The following ABHD12 variants were observed in gnomAD, a reference collection of about 807,000 sequenced individuals.
ABHD12 encodes the protein lysophosphatidylserine lipase ABHD12.
ABHD12 carries 43 observed loss-of-function variants against 58.3 expected under a neutral mutation model. The ratio of observed to expected loss-of-function variants is 0.74; its 90% CI spans 0.58 to 0.95. The LOEUF is 0.95. Among genes scored for constraint, ABHD12 ranks in the 40% least tolerant of loss-of-function variants. The probability of loss-of-function intolerance (pLI) is 0.00; values close to 1 mark genes in which losing one functional copy is unlikely to be tolerated. For synonymous variants in ABHD12, 219 were observed against 211.2 expected (o/e 1.04, Z -0.32); for missense variants, 539 against 537.2 (o/e 1.00, Z -0.03).
At chr20:25,312,580 C>T (rs2088871757) in intron 6 of ABHD12, among the ~76,000 whole-genome samples, 1 of 152,212 alleles carries the variant, frequency 6.6e-6, no homozygotes, top group Admixed American at 6.5e-5. Context: ...GCCGAGATTG[C>T]AGCCTCTGCC....
At chr20:25,329,500 C>T (rs1410465028) in intron 2 of ABHD12, among the ~76,000 whole-genome samples, 2 of 152,220 alleles carry the variant, frequency 1.3e-5, no homozygotes, top group African/African-American at 2.4e-5. Flanking sequence ...CAAACATCAA[C>T]GGGCAGGATG....
At chr20:25,365,209 C>T (rs2089803632) in intron 1 of ABHD12, among the ~76,000 whole-genome samples, 1 of 152,178 alleles carries the variant, frequency 6.6e-6, no homozygotes, top group Non-Finnish European at 1.5e-5. Context: ...AAAATTAAAA[C>T]AAAGTCTCAC....
intron 1 of ABHD12, chr20:25,339,862 G>T: frequency 2.2e-6 from 2 of 908,858 alleles, no homozygotes; most frequent in South Asian, 1.8e-5. Flanking sequence ...CTAAGAACTG[G>T]CACGGTGTGT....
intron 5 of ABHD12, 47 bp from the exon 6 acceptor site, chr20:25,315,017 G>A (rs1240197197): frequency 1.2e-6 from 2 of 1,602,588 alleles, no homozygotes; most frequent in East Asian, 2.2e-5. Context: ...CCAAGCATCT[G>A]TATTGAGGGC....
At chr20:25,339,566 AGAG>A in intron 1 of ABHD12, 1 of 1,458,082 alleles carries the variant, frequency 6.9e-7, no homozygotes, top group South Asian at 1.2e-5. Context: ...ACTGGGGGTA[AGAG>A]GAACTTTTTT....
rs139081838 is a variant in ABHD12 at position 25,319,880 on chromosome 20, G to A, written c.542+319C>T. On this transcript the variant is annotated intron_variant, in intron 4 of 12. Coordinates refer to ENST00000339157, the MANE Select transcript of ABHD12 (RefSeq NM_001042472.3). Reference sequence around the variant, plus strand: ...ACTCAGCCTCCTTCATCCCAATCCAGGCTGCAGCTCCAGATAGGGGACGGT... The same window carrying A: ...ACTCAGCCTCCTTCATCCCAATCCAAGCTGCAGCTCCAGATAGGGGACGGT... Among the ~76,000 whole-genome samples, 1,936 of 152,308 alleles carry A rather than the reference G, an allele frequency of 0.013. 43 individuals are homozygous for A. The highest frequency in any genetic ancestry group is 0.044 in the African/African-American group (1,828 of 41,562).
At chr20:25,309,635 C>T in intron 6 of ABHD12, 60 bp from the exon 7 acceptor site, 1 of 1,608,262 alleles carries the variant, frequency 6.2e-7, no homozygotes, top group Non-Finnish European at 8.5e-7. Flanking sequence ...CCTGGACAAA[C>T]ACACCTCCCC....
intron 1 of ABHD12, among the ~76,000 whole-genome samples, chr20:25,373,317 C>T (rs1253935843): frequency 2.0e-5 from 3 of 152,060 alleles, no homozygotes; most frequent in South Asian, 2.1e-4. Context: ...GAAGCCGGGG[C>T]GGGTGGATCA....
chr20:25,356,656 G>A (rs2089672247), intron 1 of ABHD12, among the ~76,000 whole-genome samples: 1 of 152,228 alleles, frequency 6.6e-6, no homozygotes, highest in Non-Finnish European at 1.5e-5. Context: ...CTCAGTCTGA[G>A]GACTTTAAAA....
chr20:25,302,751 G>C (rs1188417788), intron 11 of ABHD12, among the ~76,000 whole-genome samples: 2 of 152,144 alleles, frequency 1.3e-5, no homozygotes. Context: ...CTCTCATTTC[G>C]GCAAGGGTAG....
chr20:25,342,956 A>G (rs1007611446), intron 1 of ABHD12, among the ~76,000 whole-genome samples: 3 of 151,772 alleles, frequency 2.0e-5, no homozygotes, highest in Non-Finnish European at 4.4e-5. Context: ...CACTATGCCC[A>G]GCTAATTTTT....
At chr20:25,389,220 T>C (rs2090136747) in intron 1 of ABHD12, among the ~76,000 whole-genome samples, 2 of 152,216 alleles carry the variant, frequency 1.3e-5, no homozygotes, top group Admixed American at 1.3e-4. Context: ...AATCTTTCCA[T>C]AGCAAAGAGA....
At chr20:25,374,492 AGTTT>A (rs1480318109) in intron 1 of ABHD12, among the ~76,000 whole-genome samples, 6 of 152,058 alleles carry the variant, frequency 3.9e-5, no homozygotes, top group Middle Eastern at 3.4e-3. Flanking sequence ...AATTACAGTA[AGTTT>A]GTTTGTTTGT....
chr20:25,328,594 G>A (rs990602861), intron 2 of ABHD12, among the ~76,000 whole-genome samples: 5 of 152,246 alleles, frequency 3.3e-5, no homozygotes, highest in African/African-American at 4.8e-5. Flanking sequence ...CTGTCCAAGA[G>A]TTCTGAGAGC....
intron 2 of ABHD12, among the ~76,000 whole-genome samples, chr20:25,337,776 C>G (rs957335322): frequency 4.6e-5 from 7 of 152,208 alleles, no homozygotes; most frequent in African/African-American, 1.7e-4. Context: ...GCTTTCTGGG[C>G]TGTACTGTGT....
At chr20:25,378,486 G>A (rs1447611265) in intron 1 of ABHD12, among the ~76,000 whole-genome samples, 4 of 152,076 alleles carry the variant, frequency 2.6e-5, no homozygotes, top group Non-Finnish European at 5.9e-5. Flanking sequence ...AGGATGAAGG[G>A]GTAGGGCATA....
chr20:25,368,603 T>C, intron 1 of ABHD12: 1 of 1,393,200 alleles, frequency 7.2e-7, no homozygotes, highest in Non-Finnish European at 1.0e-6. Context: ...CCTGGAATAA[T>C]TCTGTGAAAG....
intron 2 of ABHD12, among the ~76,000 whole-genome samples, chr20:25,324,552 G>A (rs978614045): frequency 2.0e-5 from 3 of 152,236 alleles, no homozygotes; most frequent in African/African-American, 7.2e-5. Context: ...CTTCCCTCTG[G>A]TGGGTCCTGC....
intron 6 of ABHD12, among the ~76,000 whole-genome samples, chr20:25,312,807 G>A (rs1378107773): frequency 1.3e-5 from 2 of 152,058 alleles, no homozygotes; most frequent in African/African-American, 4.8e-5. Context: ...TCTGGGATGT[G>A]AGGAGCGCCT....
Sources: gnomAD v4.1 joint callset for allele counts (sites outside exome capture counted in the v4.1 genomes callset) on GRCh38, gnomAD v4.1.1 for gene constraint, MANE v1.5 for transcripts, NCBI Gene and HGNC (gene_info 2026-07-23, HGNC 2026-07-21) for gene names.